Variants in TTC7B observed in about 807,000 individuals in gnomAD.
TTC7B encodes tetratricopeptide repeat domain 7B.
A neutral mutation model predicts 106.8 loss-of-function variants in TTC7B; 28 were observed. The observed-to-expected ratio is 0.26, with a 90% CI of 0.19 to 0.36. The LOEUF (loss-of-function observed/expected upper bound fraction) is 0.36, where lower values mean the gene tolerates loss of function less well. Among genes scored for constraint, TTC7B ranks in the 10% least tolerant of loss-of-function variants. The pLI is 1.00. For synonymous variants in TTC7B, 405 were observed against 430.6 expected, an observed-to-expected ratio of 0.94 and a Z score of 0.74; for missense variants, 862 against 1,076.4, an observed-to-expected ratio of 0.80 and a Z score of 2.79.
chr14:90,630,483 T>C (rs1884646440), intron 15 of TTC7B, among the ~76,000 whole-genome samples: 1 of 152,232 alleles, frequency 6.6e-6, no homozygotes, highest in South Asian at 2.1e-4. Context: ...TAAAATGTAG[T>C]AAAATATACG....
intron 11 of TTC7B, among the ~76,000 whole-genome samples, chr14:90,656,372 C>T (rs957248951): frequency 2.1e-4 from 32 of 152,150 alleles, no homozygotes; most frequent in Admixed American, 7.2e-4. Context: ...ATTATCTATA[C>T]CACCATCTCG....
rs149670679 is a variant in TTC7B, at chr14:90,677,279, GAAGA to G, written c.1015-623_1015-620del. Among the ~76,000 whole-genome samples, 733 of 152,286 alleles carry G rather than the reference GAAGA, an allele frequency of 4.8e-3. 5 individuals carry two copies. The highest frequency in any genetic ancestry group is 0.017 in the African/African-American group (695 of 41,560). ...AACACAGATATATAAGAGAAAACAA[GAAGA>G]AAGCAGATTTTTACTTTAAAAGATA... is the stretch of plus-strand genomic sequence containing the variant. On this transcript the variant is annotated intron_variant, in intron 8 of 19. Coordinates refer to ENST00000328459, the MANE Select transcript of TTC7B (RefSeq NM_001010854.2).
chr14:90,617,576 C>T (rs1040499967), intron 16 of TTC7B, among the ~76,000 whole-genome samples: 1 of 152,312 alleles, frequency 6.6e-6, no homozygotes, highest in African/African-American at 2.4e-5. Flanking sequence ...ATCTGGACCA[C>T]ATAAATGACT....
At chr14:90,579,690 T>C (rs1283385661) in intron 18 of TTC7B, among the ~76,000 whole-genome samples, 2 of 152,044 alleles carry the variant, frequency 1.3e-5, no homozygotes, top group Non-Finnish European at 2.9e-5. Flanking sequence ...TCCCAACTAC[T>C]AGGGAGGCTG....
At chr14:90,655,151 A>G (rs774956368) in intron 11 of TTC7B, 41 bp from the exon 12 acceptor site, 1 of 1,476,714 alleles carries the variant, frequency 6.8e-7, no homozygotes, top group African/African-American at 1.4e-5. Context: ...CAACCTGCAG[A>G]ATTTCTAACA....
At chr14:90,726,840 AG>A (rs1200021641) in intron 5 of TTC7B, among the ~76,000 whole-genome samples, 2 of 152,310 alleles carry the variant, frequency 1.3e-5, no homozygotes, top group East Asian at 3.9e-4. Flanking sequence ...CAGCCTTAAC[AG>A]GCTTGTTGCT....
intron 7 of TTC7B, among the ~76,000 whole-genome samples, chr14:90,683,662 G>A (rs188330375): frequency 3.9e-5 from 6 of 152,150 alleles, no homozygotes; most frequent in East Asian, 3.9e-4. Flanking sequence ...GGTCCCTCAC[G>A]CAGCCCAGTG....
intron 16 of TTC7B, among the ~76,000 whole-genome samples, chr14:90,617,150 A>T (rs1032902263): frequency 2.4e-4 from 36 of 152,196 alleles, no homozygotes; most frequent in Non-Finnish European, 4.4e-5. Context: ...CTTCCCATTG[A>T]CGGAGCTACT....
intron 3 of TTC7B, among the ~76,000 whole-genome samples, chr14:90,780,470 A>AAGAAAGAAAGAAAGAAAGAAAG: frequency 6.8e-6 from 1 of 146,468 alleles, no homozygotes; most frequent in African/African-American, 2.6e-5. Flanking sequence ...GAAAGAAAGA[A>AAGAAAGAAAGAAAGAAAGAAAG]AAAGAAAGAA....
At chr14:90,599,046 G>A (rs576510582) in intron 17 of TTC7B, among the ~76,000 whole-genome samples, 17 of 152,330 alleles carry the variant, frequency 1.1e-4, no homozygotes, top group Admixed American at 3.9e-4. Context: ...AGCTACTCGG[G>A]AGGCTGAGGC....
At chr14:90,545,636 G>A (rs551115760) in intron 19 of TTC7B, among the ~76,000 whole-genome samples, 11 of 152,334 alleles carry the variant, frequency 7.2e-5, no homozygotes, top group Middle Eastern at 3.4e-3. Context: ...GAGGGCTCTG[G>A]TCTCGGCACC....
chr14:90,648,718 T>C (rs1885582599), intron 13 of TTC7B: 1 of 152,262 alleles, frequency 6.6e-6, no homozygotes, highest in Non-Finnish European at 1.5e-5. Flanking sequence ...AAATATTGGC[T>C]TTCCATGAAT....
chr14:90,593,762 G>T, intron 17 of TTC7B, 136 bp from the exon 18 acceptor site: 1 of 889,192 alleles, frequency 1.1e-6, no homozygotes, highest in Non-Finnish European at 1.6e-6. Context: ...TGTCCACAGA[G>T]AAACGCGGGC....
intron 3 of TTC7B, among the ~76,000 whole-genome samples, chr14:90,750,224 T>G (rs922862849): frequency 6.6e-6 from 1 of 152,182 alleles, no homozygotes; most frequent in Non-Finnish European, 1.5e-5. Flanking sequence ...CACAAAGAGA[T>G]AGATCATTTC....
In TTC7B at chr14:90,807,328, C is replaced by T. The variant is rs990884580; in HGVS notation, c.121+8847G>A. Among the ~76,000 whole-genome samples the T allele has an allele frequency of 2.6e-5, 4 of 152,144 alleles. No homozygotes were observed. The highest frequency in any genetic ancestry group is 4.4e-5 in the Non-Finnish European group (3 of 68,032). On this transcript the variant is annotated intron_variant, in intron 1 of 19. Transcript: ENST00000328459. This position sits in a 1 kb window ranked among gnomAD's most constrained non-coding sequence, Gnocchi z 4.1. The stretch of plus-strand genomic sequence containing the variant: ...CAATGCTGTCATTGCTGTCCTCAGG[C>T]TACAGGGTCACATTCTGTCTCCCAC...
intron 3 of TTC7B, among the ~76,000 whole-genome samples, chr14:90,745,186 C>G (rs755696342): frequency 1.3e-5 from 2 of 151,440 alleles, no homozygotes; most frequent in Non-Finnish European, 2.9e-5. Flanking sequence ...ATCCCAGCTA[C>G]TTGGGAGGCT....
intron 8 of TTC7B, among the ~76,000 whole-genome samples, 198 bp downstream of exon 8, chr14:90,680,274 C>G (rs1886999268): frequency 6.6e-6 from 1 of 152,170 alleles, no homozygotes; most frequent in Non-Finnish European, 1.5e-5. Context: ...CCAGGCTAAC[C>G]AAGGGACATT....
rs1566897604 is a variant in TTC7B at position 90,805,005 on chromosome 14, C to T, written c.121+11170G>A. Among the ~76,000 whole-genome samples, 1 of 152,226 alleles carries T rather than the reference C, an allele frequency of 6.6e-6. No homozygotes were observed. Among genetic ancestry groups the T allele is most frequent in the African/African-American group, 2.4e-5 (1 of 41,542 alleles). On this transcript the variant is annotated intron_variant, in intron 1 of 19. Transcript: ENST00000328459. The surrounding 1 kb of genome is among the most constrained non-coding windows in gnomAD (Gnocchi z 4.0). Reference sequence around the variant, plus strand: ...AAGGTCATGGGCATTCCGTCAGCCCCGCCAGCAAGCCAGGACTCACCCGGA... The same window carrying T: ...AAGGTCATGGGCATTCCGTCAGCCCTGCCAGCAAGCCAGGACTCACCCGGA...
chr14:90,747,855 T>C (rs1890017615), intron 3 of TTC7B, among the ~76,000 whole-genome samples: 1 of 152,246 alleles, frequency 6.6e-6, no homozygotes, highest in African/African-American at 2.4e-5. Context: ...TTTGATGGAT[T>C]GACATCATTG....
Sources: gnomAD v4.1 joint callset for allele counts (sites outside exome capture counted in the v4.1 genomes callset) on GRCh38, gnomAD v4.1.1 for gene constraint, Gnocchi (gnomAD v3.1) non-coding constraint, MANE v1.5 for transcripts, NCBI Gene and HGNC (gene_info 2026-07-23, HGNC 2026-07-21) for gene names.